The following CADPS2 variants were observed in gnomAD, a reference collection of about 807,000 sequenced individuals.
CADPS2 encodes the protein calcium dependent secretion activator 2.
A neutral mutation model predicts 172.5 loss-of-function variants in CADPS2; 93 were observed. The ratio of observed to expected loss-of-function variants is 0.54; its 90% CI spans 0.46 to 0.64. The LOEUF is 0.64. Ranked by LOEUF, CADPS2 falls within the 30% of genes least tolerant of loss-of-function variation. The pLI is 0.00. For synonymous variants in CADPS2, 546 were observed against 555.2 expected (o/e 0.98, Z 0.23); for missense variants, 1,420 against 1,565.9 (o/e 0.91, Z 1.57).
At chr7:122,323,505 A>T (rs1320644262) in intron 29 of CADPS2, among the ~76,000 whole-genome samples, 1 of 152,134 alleles carries the variant, frequency 6.6e-6, no homozygotes, top group South Asian at 2.1e-4. Flanking sequence ...GTATACATTA[A>T]TAAGTCACAC....
chr7:122,756,022 T>C (rs1040441611), intron 1 of CADPS2, among the ~76,000 whole-genome samples: 3 of 152,230 alleles, frequency 2.0e-5, no homozygotes, highest in Non-Finnish European at 4.4e-5. Context: ...TTGTTATTGT[T>C]TCCTACCACA....
intron 3 of CADPS2, among the ~76,000 whole-genome samples, chr7:122,644,718 G>A (rs1334779340): frequency 6.6e-6 from 1 of 151,964 alleles, no homozygotes; most frequent in Non-Finnish European, 1.5e-5. Flanking sequence ...ACAACTATAA[G>A]GTAACTAATG....
chr7:122,819,324 C>T lies in CADPS2; in HGVS notation c.339+66675G>A, dbSNP rs532919130. Among the ~76,000 whole-genome samples, 432 of 152,282 alleles carry T rather than the reference C, an allele frequency of 2.8e-3. 3 individuals carry two copies. Among genetic ancestry groups the T allele is most frequent in the African/African-American group, 0.01 (417 of 41,554 alleles). On this transcript the variant is annotated intron_variant, in intron 1 of 29. Transcript: ENST00000449022. ...CTCACCTGGCAGCCACTCCCAGAGCCCCTGGAACTCTGGCCCAAGGCTCTC... is the reference window on the plus strand; with the variant it reads ...CTCACCTGGCAGCCACTCCCAGAGCTCCTGGAACTCTGGCCCAAGGCTCTC...
intron 1 of CADPS2, among the ~76,000 whole-genome samples, chr7:122,794,966 G>A (rs1212359023): frequency 1.3e-5 from 2 of 151,908 alleles, no homozygotes; most frequent in Non-Finnish European, 2.9e-5. Context: ...ACACAGCTAA[G>A]GCCATGTTAA....
chr7:122,383,337 A>AGAGG, intron 24 of CADPS2, among the ~76,000 whole-genome samples: 1 of 151,864 alleles, frequency 6.6e-6, no homozygotes, highest in Non-Finnish European at 1.5e-5. Context: ...AGTAGAGGGG[A>AGAGG]GAGGGAGGGA....
intron 29 of CADPS2, among the ~76,000 whole-genome samples, chr7:122,324,418 C>T (rs2033377124): frequency 6.6e-6 from 1 of 152,080 alleles, no homozygotes; most frequent in South Asian, 2.1e-4. Flanking sequence ...TCTTTGAAAA[C>T]TTTAGCATGT....
chr7:122,491,462 T>C (rs768285024), intron 9 of CADPS2, 42 bp from the exon 10 acceptor site: 1 of 1,099,734 alleles, frequency 9.1e-7, no homozygotes, highest in South Asian at 1.5e-5. Flanking sequence ...TCACATTAAA[T>C]TTACCAAATT....
intron 15 of CADPS2, among the ~76,000 whole-genome samples, chr7:122,447,970 C>T (rs2052525369): frequency 6.6e-6 from 1 of 152,008 alleles, no homozygotes; most frequent in Non-Finnish European, 1.5e-5. Flanking sequence ...TATCATTATT[C>T]TACCATCACT....
At chr7:122,609,024 C>CA (rs369510012) in intron 6 of CADPS2, among the ~76,000 whole-genome samples, 4 of 151,908 alleles carry the variant, frequency 2.6e-5, no homozygotes, top group East Asian at 1.9e-4. Flanking sequence ...TTCATCTCTA[C>CA]AAAAAAATGA....
intron 3 of CADPS2, among the ~76,000 whole-genome samples, chr7:122,643,114 A>C (rs1289478673): frequency 6.6e-6 from 1 of 152,206 alleles, no homozygotes; most frequent in Non-Finnish European, 1.5e-5. Context: ...CACAAACCTA[A>C]TGCTGATTCC....
chr7:122,381,352 C>A (rs2042977210), intron 24 of CADPS2, among the ~76,000 whole-genome samples: 1 of 152,130 alleles, frequency 6.6e-6, no homozygotes, highest in Non-Finnish European at 1.5e-5. Flanking sequence ...GGGCTTCAAG[C>A]ATCTCACTTC....
At chr7:122,587,588 A>T (rs12706421) in intron 6 of CADPS2, among the ~76,000 whole-genome samples, 14,798 of 152,154 alleles carry the variant, frequency 0.097, 849 homozygotes, top group African/African-American at 0.15. Flanking sequence ...GCATGCATGT[A>T]TCTTTGCAAC....
At chr7:122,537,807 T>C (rs1364090646) in intron 8 of CADPS2, among the ~76,000 whole-genome samples, 1 of 151,662 alleles carries the variant, frequency 6.6e-6, no homozygotes, top group Non-Finnish European at 1.5e-5. Context: ...GCAGACAAAC[T>C]TCTGCAGGAA....
intron 6 of CADPS2, among the ~76,000 whole-genome samples, chr7:122,614,713 C>T (rs1212627654): frequency 1.3e-5 from 2 of 152,136 alleles, no homozygotes; most frequent in Non-Finnish European, 2.9e-5. Flanking sequence ...GTGCGGTAGT[C>T]GTACATTAAC....
At chr7:122,368,782 G>T (rs2041321655) in intron 25 of CADPS2, among the ~76,000 whole-genome samples, 2 of 152,140 alleles carry the variant, frequency 1.3e-5, no homozygotes, top group Non-Finnish European at 2.9e-5. Context: ...AGTTTCTAGA[G>T]CCTGGAGACA....
chr7:122,761,681 CA>C (rs201174338), intron 1 of CADPS2, among the ~76,000 whole-genome samples: 157 of 149,362 alleles, frequency 1.1e-3, no homozygotes, highest in African/African-American at 3.5e-3. Context: ...ATTAAGCAAA[CA>C]AAAAAAAAGC....
At chr7:122,344,135 C>T (rs1444706239) in intron 28 of CADPS2, among the ~76,000 whole-genome samples, 1 of 152,184 alleles carries the variant, frequency 6.6e-6, no homozygotes, top group Non-Finnish European at 1.5e-5. Context: ...GATGACGTAG[C>T]AGGACCTTCT....
intron 2 of CADPS2, among the ~76,000 whole-genome samples, chr7:122,669,267 G>T (rs2081509771): frequency 6.6e-6 from 1 of 151,930 alleles, no homozygotes; most frequent in South Asian, 2.1e-4. Flanking sequence ...AAAGCTGGAG[G>T]TTGTAGTGAG....
intron 1 of CADPS2, among the ~76,000 whole-genome samples, chr7:122,763,902 T>A (rs960594673): frequency 3.3e-5 from 5 of 152,142 alleles, no homozygotes; most frequent in African/African-American, 1.2e-4. Context: ...TTATATGACA[T>A]GGGATTTATT....
Sources: allele counts gnomAD v4.1 joint callset (sites outside exome capture counted in the v4.1 genomes callset), GRCh38; gene constraint gnomAD v4.1.1; transcripts MANE v1.5; gene names NCBI Gene and HGNC (gene_info 2026-07-23, HGNC 2026-07-21).